The following FAM184A variants were observed in gnomAD, a reference collection of about 807,000 sequenced individuals.
FAM184A encodes the protein family with sequence similarity 184 member A.
In FAM184A, 99 loss-of-function variants were observed where a neutral mutation model predicts 143.8. That is an observed-to-expected ratio of 0.69 (90% confidence interval 0.58 to 0.81). FAM184A has a LOEUF of 0.81. FAM184A is among the 40% of genes least tolerant of loss of function. The pLI, the probability that FAM184A is intolerant of heterozygous loss-of-function variation, is 0.00. For synonymous variants in FAM184A, 427 were observed against 446.4 expected, an observed-to-expected ratio of 0.96 and a Z score of 0.55; for missense variants, 1,217 against 1,310.5, an observed-to-expected ratio of 0.93 and a Z score of 1.10.
intron 1 of FAM184A, among the ~76,000 whole-genome samples, chr6:119,057,144 C>T (rs1475014271): frequency 2.6e-5 from 4 of 152,072 alleles, no homozygotes; most frequent in Non-Finnish European, 4.4e-5. Flanking sequence ...TGCTGCTGCC[C>T]AAATACACAC....
chr6:119,041,422 A>G (rs1786325857), intron 1 of FAM184A, among the ~76,000 whole-genome samples: 1 of 152,224 alleles, frequency 6.6e-6, no homozygotes, highest in Non-Finnish European at 1.5e-5. Context: ...AAGAGCGCTC[A>G]CTAAAATGCT....
In FAM184A at chr6:119,024,787, A is replaced by C. The variant is rs1250554285; in HGVS notation, c.186T>G (p.Asn62Lys). ...TKVIYALNTK[N>K]DEHESAIQAL... The stretch of plus-strand genomic sequence containing the variant: ...CTTGAATTGCAGATTCATGCTCATC[A>C]TTTTTAGTGTTTAAAGCATATATTA... Residue 62 changes from asparagine to lysine, a missense_variant, in exon 2 of 18, where the codon AAT becomes AAG. Coordinates refer to ENST00000338891, the MANE Select transcript of FAM184A (RefSeq NM_024581.6). 6.2e-7 allele frequency: 1 copy of C among 1,609,794 alleles called. No individual in the cohort carries two copies. Among genetic ancestry groups the C allele is most frequent in the Non-Finnish European group, 8.5e-7 (1 of 1,178,968 alleles).
intron 1 of FAM184A, among the ~76,000 whole-genome samples, chr6:119,076,526 GA>G (rs1429433023): frequency 6.6e-6 from 1 of 151,988 alleles, no homozygotes; most frequent in Non-Finnish European, 1.5e-5. Flanking sequence ...AAAAGAACAG[GA>G]AACTGAAAAA....
intron 1 of FAM184A, among the ~76,000 whole-genome samples, chr6:119,108,722 G>A (rs1180742562): frequency 1.3e-5 from 2 of 152,134 alleles, no homozygotes; most frequent in Non-Finnish European, 2.9e-5. Context: ...GATGGAGAGT[G>A]AAGAGAGCTG....
At chr6:119,136,135 G>A (rs534055517) in intron 1 of FAM184A, among the ~76,000 whole-genome samples, 5 of 149,366 alleles carry the variant, frequency 3.3e-5, no homozygotes, top group East Asian at 1.9e-4. Flanking sequence ...AAAATTAGCC[G>A]GGCGCGGTGG....
chr6:119,048,796 G>A (rs4946390), intron 1 of FAM184A, among the ~76,000 whole-genome samples: 101,552 of 151,820 alleles, frequency 0.67, 35,872 homozygotes, highest in South Asian at 0.79. Flanking sequence ...GGATGGTAGT[G>A]GGGGACTGGT....
intron 9 of FAM184A, among the ~76,000 whole-genome samples, chr6:118,994,600 T>G (rs1784482346): frequency 6.6e-6 from 1 of 151,564 alleles, no homozygotes; most frequent in Non-Finnish European, 1.5e-5. Flanking sequence ...GCAGGAGAAT[T>G]GCTTGAACCC....
At chr6:119,059,799 A>T (rs995318712) in intron 1 of FAM184A, among the ~76,000 whole-genome samples, 1 of 152,202 alleles carries the variant, frequency 6.6e-6, no homozygotes, top group African/African-American at 2.4e-5. Flanking sequence ...ATAATTATAC[A>T]TGCTTTATTA....
intron 14 of FAM184A, among the ~76,000 whole-genome samples, chr6:118,972,481 G>A (rs933771632): frequency 5.9e-5 from 9 of 152,142 alleles, no homozygotes; most frequent in African/African-American, 2.2e-4. Context: ...GTGGCAGTAA[G>A]TTTCTGGTGA....
chr6:119,103,698 C>T (rs1252343325), intron 1 of FAM184A, among the ~76,000 whole-genome samples: 1 of 152,016 alleles, frequency 6.6e-6, no homozygotes, highest in African/African-American at 2.4e-5. Flanking sequence ...GAGGCTGTGA[C>T]AGGCGGATCA....
chr6:118,974,072 T>C (rs1378288188), intron 14 of FAM184A, among the ~76,000 whole-genome samples: 1 of 152,154 alleles, frequency 6.6e-6, no homozygotes, highest in Non-Finnish European at 1.5e-5. Context: ...TATTAGTGTG[T>C]ATATAGGATC....
chr6:119,061,514 C>G (rs1787239432), intron 1 of FAM184A, among the ~76,000 whole-genome samples: 1 of 148,018 alleles, frequency 6.8e-6, no homozygotes, highest in Admixed American at 6.8e-5. Context: ...TGCTACCATG[C>G]CTGGCTAATT....
In FAM184A at chr6:119,024,109, T is replaced by C. The variant is rs1316028002; in HGVS notation, c.864A>G (p.Arg288=). 1.2e-6 allele frequency: 2 copies of C among 1,614,200 alleles called. No individual in the cohort carries two copies. The highest frequency in any genetic ancestry group is 1.6e-4 in the Middle Eastern group (1 of 6,062). Residue 288 remains arginine, a synonymous_variant, in exon 2 of 18, where the codon AGA becomes AGG. Coordinates refer to ENST00000338891, the MANE Select transcript of FAM184A (RefSeq NM_024581.6). ...QASKEKEADL[R]KEFQGQEAIL... ...TTGCTTCTTGTCCCTGAAATTCTTT[T>C]CTAAGATCAGCTTCCTTTTCTTTGC...
intron 1 of FAM184A, among the ~76,000 whole-genome samples, chr6:119,026,260 A>T (rs1477457997): frequency 6.6e-6 from 1 of 152,182 alleles, no homozygotes; most frequent in Non-Finnish European, 1.5e-5. Flanking sequence ...TTCTGTTTTT[A>T]AAAAACCCTA....
chr6:119,148,962 A>C (rs889289516), intron 1 of FAM184A: 1 of 152,168 alleles, frequency 6.6e-6, no homozygotes, highest in Non-Finnish European at 1.5e-5. Flanking sequence ...CCCACCGCCC[A>C]ATGCTGTCTT....
chr6:119,076,462 C>T (rs919482279), intron 1 of FAM184A, among the ~76,000 whole-genome samples: 17 of 152,126 alleles, frequency 1.1e-4, no homozygotes, highest in African/African-American at 4.1e-4. Context: ...AAAACACCAG[C>T]TTCCGATCAA....
intron 14 of FAM184A, among the ~76,000 whole-genome samples, chr6:118,971,325 C>T (rs1468439207): frequency 2.6e-5 from 4 of 152,116 alleles, no homozygotes; most frequent in Admixed American, 2.6e-4. Flanking sequence ...TCAGGTGTGG[C>T]GGAGTGCTTC....
chr6:118,989,019 T>G (rs1784278535), intron 9 of FAM184A, among the ~76,000 whole-genome samples: 1 of 143,958 alleles, frequency 6.9e-6, no homozygotes. Context: ...TAGAGTGCAG[T>G]GGCACGATCT....
chr6:119,107,037 G>C (rs1788806080), intron 1 of FAM184A, among the ~76,000 whole-genome samples: 1 of 152,176 alleles, frequency 6.6e-6, no homozygotes, highest in Admixed American at 6.5e-5. Flanking sequence ...CAGCTCTCAA[G>C]GGAATATCAA....
Sources: gnomAD v4.1 joint callset for allele counts (sites outside exome capture counted in the v4.1 genomes callset) on GRCh38, gnomAD v4.1.1 for gene constraint, MANE v1.5 for transcripts, NCBI Gene and HGNC (gene_info 2026-07-23, HGNC 2026-07-21) for gene names.